The following TNKS variants were observed in gnomAD, a reference collection of about 807,000 sequenced individuals.
TNKS encodes poly [ADP-ribose] polymerase tankyrase-1.
TNKS carries 72 observed loss-of-function variants against 135.8 expected under a neutral mutation model. The ratio of observed to expected loss-of-function variants is 0.53; its 90% CI spans 0.44 to 0.64. TNKS has a LOEUF of 0.64. TNKS is among the 30% of genes least tolerant of loss of function. The probability of loss-of-function intolerance (pLI) is 0.00; values close to 1 mark genes in which losing one functional copy is unlikely to be tolerated. For synonymous variants in TNKS, 849 were observed against 649.3 expected (o/e 1.31, Z -4.68); for missense variants, 1,769 against 1,674.0 (o/e 1.06, Z -0.99).
At chr8:9,759,408 C>G (rs1212833347) in intron 20 of TNKS, among the ~76,000 whole-genome samples, 1 of 152,204 alleles carries the variant, frequency 6.6e-6, no homozygotes, top group African/African-American at 2.4e-5. Context: ...AGTGAAGACA[C>G]AAATGCCAGG....
intron 9 of TNKS, among the ~76,000 whole-genome samples, chr8:9,709,748 A>AATTTCACCTTG (rs1217457856): frequency 6.6e-6 from 1 of 152,250 alleles, no homozygotes; most frequent in Non-Finnish European, 1.5e-5. Context: ...TTAAGAGCAT[A>AATTTCACCTTG]ATTTCACCTT....
Position 9,751,682 on chromosome 8 carries a change from C to G in TNKS, c.2906C>G (p.Ala969Gly). The G allele has an allele frequency of 6.2e-7, 1 of 1,614,216 alleles. No individual in the cohort carries two copies. The highest frequency in any genetic ancestry group is 8.5e-7 in the Non-Finnish European group (1 of 1,180,028). The change falls in exon 19 of 27, where the codon GCT becomes GGT. Residue 969 changes from alanine to glycine, a missense_variant. Physicochemically the swap from Ala to Gly is moderately conservative, Grantham distance 60 (BLOSUM62 0). This residue lies in a region of TNKS where 722 missense variants were observed against 688.9 expected (regional missense o/e 1.05). Coordinates refer to ENST00000310430, the MANE Select transcript of TNKS (RefSeq NM_003747.3). Reference protein sequence around the residue: ...EALPTCFKPQATVVSASLISP... With the variant: ...EALPTCFKPQGTVVSASLISP... ...TTACCTACCTGTTTTAAACCTCAGG[C>G]TACTGTAGTGAGTGCCTCTCTGATC...
intron 1 of TNKS, chr8:9,575,336 C>A: frequency 1.1e-6 from 1 of 937,888 alleles, no homozygotes; most frequent in Non-Finnish European, 1.3e-6. Context: ...CCGCCTGCTT[C>A]GGCCTCCCTA....
chr8:9,708,556 T>A, intron 9 of TNKS, 64 bp downstream of exon 9: 3 of 1,360,458 alleles, frequency 2.2e-6, no homozygotes, highest in East Asian at 2.7e-5. Context: ...AAAATATGAT[T>A]TTCATTTCAG....
intron 20 of TNKS, among the ~76,000 whole-genome samples, chr8:9,760,857 G>A (rs1007442301): frequency 6.6e-6 from 1 of 152,190 alleles, no homozygotes; most frequent in Non-Finnish European, 1.5e-5. Context: ...ATTTTAAGGA[G>A]AAGGGATTAA....
intron 3 of TNKS, among the ~76,000 whole-genome samples, chr8:9,652,765 A>G (rs534898299): frequency 1.8e-4 from 27 of 152,320 alleles, no homozygotes; most frequent in Admixed American, 1.5e-3. Flanking sequence ...ATCTTGTGTT[A>G]GAGTTTTTCT....
At chr8:9,754,063 C>A (rs1806701180) in intron 20 of TNKS, among the ~76,000 whole-genome samples, 1 of 152,214 alleles carries the variant, frequency 6.6e-6, no homozygotes, top group Non-Finnish European at 1.5e-5. Context: ...CTTCTAAGGA[C>A]ATTTGCATTG....
intron 1 of TNKS, among the ~76,000 whole-genome samples, chr8:9,574,682 C>T (rs1254563114): frequency 1.3e-5 from 2 of 152,174 alleles, no homozygotes; most frequent in Non-Finnish European, 2.9e-5. Flanking sequence ...TCAAATTCTT[C>T]ACTAACAGAT....
At chr8:9,666,860 A>G (rs908763701) in intron 3 of TNKS, among the ~76,000 whole-genome samples, 1 of 152,172 alleles carries the variant, frequency 6.6e-6, no homozygotes, top group African/African-American at 2.4e-5. Context: ...ATTGGCCCTG[A>G]ATTGTCAAGA....
At chr8:9,576,447 G>A (rs191959284) in intron 1 of TNKS, among the ~76,000 whole-genome samples, 87 of 151,954 alleles carry the variant, frequency 5.7e-4, no homozygotes, top group Non-Finnish European at 9.6e-4. Flanking sequence ...CAGAAAGCGG[G>A]AGGTGCCACC....
intron 9 of TNKS, among the ~76,000 whole-genome samples, 176 bp from the exon 10 acceptor site, chr8:9,709,779 G>C (rs898649886): frequency 6.6e-6 from 1 of 152,176 alleles, no homozygotes; most frequent in African/African-American, 2.4e-5. Flanking sequence ...CTTACGTTTT[G>C]TATTTCCACT....
chr8:9,762,329 G>A (rs1322910547), intron 21 of TNKS, among the ~76,000 whole-genome samples: 2 of 152,202 alleles, frequency 1.3e-5, no homozygotes, highest in Non-Finnish European at 2.9e-5. Context: ...CAAACTGGAA[G>A]ATTTTGTGCT....
At chr8:9,649,770 A>G (rs1196464004) in intron 3 of TNKS, among the ~76,000 whole-genome samples, 1 of 151,830 alleles carries the variant, frequency 6.6e-6, no homozygotes, top group Admixed American at 6.6e-5. Context: ...AATGGTCTCC[A>G]GTTCCATCCA....
At chr8:9,624,988 C>T (rs1420457221) in intron 3 of TNKS, among the ~76,000 whole-genome samples, 1 of 152,012 alleles carries the variant, frequency 6.6e-6, no homozygotes, top group African/African-American at 2.4e-5. Context: ...AAATGCAGAA[C>T]CCACAGATAC....
intron 3 of TNKS, among the ~76,000 whole-genome samples, chr8:9,674,409 A>C (rs1221295750): frequency 3.9e-5 from 6 of 152,186 alleles, no homozygotes; most frequent in Admixed American, 6.5e-5. Flanking sequence ...GTAAGGAAAA[A>C]AAAAGCTTAT....
chr8:9,652,510 A>AT (rs1801184082), intron 3 of TNKS, among the ~76,000 whole-genome samples: 1 of 152,210 alleles, frequency 6.6e-6, no homozygotes, highest in African/African-American at 2.4e-5. Context: ...GGATAGTAAG[A>AT]TAAAAAATAC....
intron 2 of TNKS, among the ~76,000 whole-genome samples, chr8:9,605,821 TTC>T (rs1443385344): frequency 6.6e-6 from 1 of 152,104 alleles, no homozygotes; most frequent in African/African-American, 2.4e-5. Context: ...TTTGTAGAAG[TTC>T]TTTCTCTAAT....
chr8:9,662,788 G>A (rs984864310), intron 3 of TNKS, among the ~76,000 whole-genome samples: 2 of 152,162 alleles, frequency 1.3e-5, no homozygotes, highest in Non-Finnish European at 2.9e-5. Flanking sequence ...TTCATTCAAT[G>A]AAAGAGCAGT....
intron 17 of TNKS, among the ~76,000 whole-genome samples, chr8:9,745,568 C>A (rs1806191185): frequency 6.6e-6 from 1 of 152,008 alleles, no homozygotes; most frequent in Non-Finnish European, 1.5e-5. Flanking sequence ...CCACACCCAG[C>A]TAATTTTTGT....
Sources: allele counts gnomAD v4.1 joint callset (sites outside exome capture counted in the v4.1 genomes callset), GRCh38; gene constraint gnomAD v4.1.1; regional missense constraint gnomAD v4.1.1; transcripts MANE v1.5; gene names NCBI Gene and HGNC (gene_info 2026-07-23, HGNC 2026-07-21).